The following NAALADL2 variants were observed in gnomAD, a reference collection of about 807,000 sequenced individuals.
NAALADL2 encodes inactive N-acetylated-alpha-linked acidic dipeptidase-like protein 2.
A neutral mutation model predicts 87.2 loss-of-function variants in NAALADL2; 76 were observed. The ratio of observed to expected loss-of-function variants is 0.87; its 90% CI spans 0.72 to 1.05. NAALADL2 has a LOEUF of 1.05. Among genes scored for constraint, NAALADL2 ranks in the 50% least tolerant of loss-of-function variants. The pLI is 0.00. For missense variants in NAALADL2, 1,089 were observed against 945.8 expected (o/e 1.15, Z -1.99); for synonymous variants, 354 against 331.0 (o/e 1.07, Z -0.75).
At chr3:175,644,644 T>G (rs2149770306) in intron 11 of NAALADL2, among the ~76,000 whole-genome samples, 1 of 152,058 alleles carries the variant, frequency 6.6e-6, no homozygotes, top group African/African-American at 2.4e-5. Context: ...GACACAGAAT[T>G]TTAAAGTAAG....
At chr3:174,644,790 C>G (rs1362663918) in intron 2 of NAALADL2, among the ~76,000 whole-genome samples, 1 of 152,176 alleles carries the variant, frequency 6.6e-6, no homozygotes, top group Admixed American at 6.5e-5. Flanking sequence ...TGTGCCTCTT[C>G]TCAAAGACAA....
At chr3:175,140,146 G>A (rs59314054) in intron 2 of NAALADL2, among the ~76,000 whole-genome samples, 32,925 of 152,070 alleles carry the variant, frequency 0.22, 3,996 homozygotes, top group South Asian at 0.33. Context: ...AGCCCTCCGT[G>A]CCTAGTTTCT....
At chr3:174,914,237 AT>A (rs1560357538) in intron 1 of NAALADL2, among the ~76,000 whole-genome samples, 1 of 151,520 alleles carries the variant, frequency 6.6e-6, no homozygotes, top group African/African-American at 2.4e-5. Context: ...TAATTTTTGT[AT>A]TTTTAGTGGA....
chr3:174,647,888 C>T (rs141862544), intron 2 of NAALADL2, among the ~76,000 whole-genome samples: 8 of 152,254 alleles, frequency 5.3e-5, no homozygotes, highest in African/African-American at 1.9e-4. Context: ...CATTCCAAAA[C>T]ATTCTAGAAG....
intron 13 of NAALADL2, among the ~76,000 whole-genome samples, chr3:175,760,343 A>C (rs1175276130): frequency 6.6e-6 from 1 of 152,126 alleles, no homozygotes; most frequent in Non-Finnish European, 1.5e-5. Flanking sequence ...AGCTCTACAG[A>C]CTATTAAGCC....
chr3:175,157,994 A>G (rs1240461306), intron 2 of NAALADL2, among the ~76,000 whole-genome samples: 1 of 152,110 alleles, frequency 6.6e-6, no homozygotes, highest in Non-Finnish European at 1.5e-5. Flanking sequence ...AGTTCTAGAA[A>G]AGACTTATAT....
chr3:174,869,428 G>T (rs960211074), intron 1 of NAALADL2, among the ~76,000 whole-genome samples: 3 of 152,200 alleles, frequency 2.0e-5, no homozygotes, highest in African/African-American at 7.2e-5. Context: ...TAGAAGGGGT[G>T]TGTCTGAAGA....
intron 6 of NAALADL2, among the ~76,000 whole-genome samples, chr3:175,450,829 G>C (rs941625539): frequency 1.3e-5 from 2 of 152,042 alleles, no homozygotes; most frequent in Non-Finnish European, 2.9e-5. Context: ...GATGGTACAA[G>C]TCTGGCCAAG....
intron 2 of NAALADL2, among the ~76,000 whole-genome samples, chr3:175,172,492 T>C (rs1734992099): frequency 6.6e-6 from 1 of 152,166 alleles, no homozygotes; most frequent in South Asian, 2.1e-4. Flanking sequence ...TAATGTCTTA[T>C]ACCAGTGTTC....
At chr3:175,453,767 C>T (rs903786091) in intron 6 of NAALADL2, among the ~76,000 whole-genome samples, 1 of 152,072 alleles carries the variant, frequency 6.6e-6, no homozygotes, top group Non-Finnish European at 1.5e-5. Flanking sequence ...ATACATGCCA[C>T]TTAGACTAAG....
chr3:175,332,865 G>A (rs527679167), intron 5 of NAALADL2, among the ~76,000 whole-genome samples: 141 of 152,210 alleles, frequency 9.3e-4, no homozygotes, highest in African/African-American at 2.7e-3. Context: ...CTATTTCTCC[G>A]TTTAGATCTA....
At chr3:175,325,401 T>A (rs1374598745) in intron 5 of NAALADL2, among the ~76,000 whole-genome samples, 1 of 152,244 alleles carries the variant, frequency 6.6e-6, no homozygotes, top group Non-Finnish European at 1.5e-5. Context: ...AGATCTGTAC[T>A]TTGTACAGTC....
chr3:175,354,355 T>G (rs1201350548), intron 5 of NAALADL2, among the ~76,000 whole-genome samples: 3 of 152,112 alleles, frequency 2.0e-5, no homozygotes, highest in African/African-American at 7.2e-5. Flanking sequence ...ACATTAAATA[T>G]TTGAAACAGG....
intron 1 of NAALADL2, among the ~76,000 whole-genome samples, chr3:174,991,932 A>C (rs1260647510): frequency 6.6e-6 from 1 of 152,048 alleles, no homozygotes; most frequent in East Asian, 1.9e-4. Context: ...GGAGATGTGG[A>C]TCAGTCAAAA....
At chr3:175,430,205 G>T (rs1053270458) in intron 5 of NAALADL2, among the ~76,000 whole-genome samples, 1 of 151,708 alleles carries the variant, frequency 6.6e-6, no homozygotes, top group East Asian at 1.9e-4. Flanking sequence ...TATGCATTGA[G>T]AACTACCATT....
intron 2 of NAALADL2, among the ~76,000 whole-genome samples, chr3:174,656,965 G>C (rs1725002592): frequency 6.6e-6 from 1 of 150,918 alleles, no homozygotes; most frequent in African/African-American, 2.4e-5. Flanking sequence ...ATAAACTTAA[G>C]AGATAAGGGC....
At chr3:175,028,069 C>T (rs1752416591) in intron 1 of NAALADL2, among the ~76,000 whole-genome samples, 1 of 152,018 alleles carries the variant, frequency 6.6e-6, no homozygotes, top group Non-Finnish European at 1.5e-5. Context: ...AGCTGCTCCA[C>T]ATCAGCAAGG....
At position 174,981,387 on chromosome 3, in the gene NAALADL2, A is replaced by G. The variant is rs559919142; in HGVS notation, c.44-115403A>G. Among the ~76,000 whole-genome samples, 3 of 152,322 alleles carry G rather than the reference A, an allele frequency of 2.0e-5. No homozygotes were observed. In the South Asian group the frequency reaches 6.2e-4, roughly 32 times the overall value. On this transcript the variant is annotated intron_variant, in intron 1 of 13. Coordinates refer to ENST00000454872, the MANE Select transcript of NAALADL2 (RefSeq NM_207015.3). ...TTTAAGTGGCTTCAGAACAGTTAAA[A>G]AGTTAATATGTGGCCATGTAATTCA... is the stretch of plus-strand genomic sequence containing the variant.
At chr3:175,779,662 G>C (rs1750743859) in intron 13 of NAALADL2, among the ~76,000 whole-genome samples, 1 of 152,138 alleles carries the variant, frequency 6.6e-6, no homozygotes, top group Non-Finnish European at 1.5e-5. Flanking sequence ...TAAGATTTGG[G>C]AATATCATGG....
Sources: gnomAD v4.1 joint callset for allele counts (sites outside exome capture counted in the v4.1 genomes callset) on GRCh38, gnomAD v4.1.1 for gene constraint, MANE v1.5 for transcripts, NCBI Gene and HGNC (gene_info 2026-07-23, HGNC 2026-07-21) for gene names.